Variants in FNIP1 observed in about 807,000 individuals in gnomAD.
FNIP1 encodes the protein folliculin-interacting protein 1.
FNIP1 carries 40 observed loss-of-function variants against 124.5 expected under a neutral mutation model. The ratio of observed to expected loss-of-function variants is 0.32; its 90% confidence interval spans 0.25 to 0.42. The LOEUF (loss-of-function observed/expected upper bound fraction) is 0.42, where lower values mean the gene tolerates loss of function less well. Among genes scored for constraint, FNIP1 ranks in the 10% least tolerant of loss-of-function variants. The probability of loss-of-function intolerance (pLI) is 1.00; values close to 1 mark genes in which losing one functional copy is unlikely to be tolerated. For synonymous variants in FNIP1, 472 were observed against 470.6 expected (o/e 1.00, Z -0.04); for missense variants, 1,176 against 1,403.7 (o/e 0.84, Z 2.59).
intron 16 of FNIP1, among the ~76,000 whole-genome samples, chr5:131,649,650 T>C (rs1766988576): frequency 6.6e-6 from 1 of 152,220 alleles, no homozygotes. Flanking sequence ...TTTAATTTGA[T>C]GAAATCCAAT....
chr5:131,663,859 A>C (rs1767517178), intron 15 of FNIP1, among the ~76,000 whole-genome samples: 1 of 152,242 alleles, frequency 6.6e-6, no homozygotes, highest in Non-Finnish European at 1.5e-5. Flanking sequence ...CTGGAAAAAC[A>C]GTTTTATATA....
rs78631912 is a variant in FNIP1, at chr5:131,686,358, T to A, written c.1203-7183A>T. Among the ~76,000 whole-genome samples the A allele has an allele frequency of 3.3e-3, 498 of 152,298 alleles. 22 individuals are homozygous for A. In the East Asian group the frequency reaches 0.087, roughly 27 times the overall value. On this transcript the variant is annotated intron_variant, in intron 11 of 17. Transcript: ENST00000510461. ...CCTTGAAAAGAGTTTTGTCCTTTTT[T>A]TAAAGAGATGTGGTCTCACTTTGTC...
intron 9 of FNIP1, among the ~76,000 whole-genome samples, chr5:131,704,481 G>A (rs1769011673): frequency 6.6e-6 from 1 of 152,028 alleles, no homozygotes; most frequent in African/African-American, 2.4e-5. Context: ...GTCAGATTGG[G>A]AACATTTTTT....
At chr5:131,777,516 C>T (rs186855437) in intron 1 of FNIP1, among the ~76,000 whole-genome samples, 1 of 151,982 alleles carries the variant, frequency 6.6e-6, no homozygotes, top group African/African-American at 2.4e-5. Flanking sequence ...GGGTCCCAAC[C>T]AGCCAAAGAT....
At position 131,644,515 on chromosome 5, in the gene FNIP1, A is replaced by C. The variant is rs1766811174; in HGVS notation, c.*170T>G. 2 of 434,142 alleles carry C rather than the reference A, an allele frequency of 4.6e-6. No homozygotes were observed. The highest frequency in any genetic ancestry group is 2.1e-5 in the African/African-American group (1 of 48,760). 26.9% of individuals were successfully genotyped at this position (434,142 alleles called of 1,614,324 possible). A position where few individuals can be genotyped will look rare whatever the true frequency, so the allele number is the denominator to read the frequency against. On this transcript the variant is annotated 3_prime_UTR_variant, in exon 18 of 18. Transcript: ENST00000510461. ...CCACCCAAAAGTCCAGTCAAAAAGA[A>C]AAAGCCATCTGACATACACAGAATA...
intron 1 of FNIP1, among the ~76,000 whole-genome samples, chr5:131,782,424 T>G (rs1335108414): frequency 6.6e-6 from 1 of 151,700 alleles, no homozygotes; most frequent in Non-Finnish European, 1.5e-5. Flanking sequence ...CGCACAAAAA[T>G]TGGCCGGGTG....
At chr5:131,728,495 C>A (rs1769967681) in intron 3 of FNIP1, among the ~76,000 whole-genome samples, 1 of 152,058 alleles carries the variant, frequency 6.6e-6, no homozygotes, top group South Asian at 2.1e-4. Flanking sequence ...GCGTATGCTT[C>A]ATGAAGTTCT....
intron 1 of FNIP1, among the ~76,000 whole-genome samples, chr5:131,751,352 A>C (rs1254224690): frequency 1.3e-5 from 2 of 152,102 alleles, no homozygotes; most frequent in Non-Finnish European, 2.9e-5. Flanking sequence ...ACTTTACCTT[A>C]GATTATAAAT....
intron 11 of FNIP1, among the ~76,000 whole-genome samples, chr5:131,696,550 A>C (rs917289464): frequency 6.6e-6 from 1 of 152,158 alleles, no homozygotes; most frequent in Non-Finnish European, 1.5e-5. Context: ...AACACTACTG[A>C]ACTGTACACC....
At position 131,645,901 on chromosome 5, in the gene FNIP1, A is replaced by C. The variant is rs183444205; in HGVS notation, c.3423-1138T>G. Among the ~76,000 whole-genome samples the C allele has an allele frequency of 7.7e-4, 117 of 152,360 alleles. 2 individuals are homozygous for C. In the East Asian group the frequency reaches 0.019, roughly 25 times the overall value. Reference sequence around the variant, plus strand: ...AGTATAACTCAACTTAGATTTTTAAATAATATTCATTTAAAAATTCTACAA... The same window carrying C: ...AGTATAACTCAACTTAGATTTTTAACTAATATTCATTTAAAAATTCTACAA... On this transcript the variant is annotated intron_variant, in intron 17 of 17. Coordinates refer to ENST00000510461, the MANE Select transcript of FNIP1 (RefSeq NM_133372.3).
chr5:131,667,227 T>G (rs1203602157), intron 15 of FNIP1, among the ~76,000 whole-genome samples: 1 of 152,240 alleles, frequency 6.6e-6, no homozygotes, highest in Non-Finnish European at 1.5e-5. Flanking sequence ...GTTAAAAACT[T>G]GAAGTCAGAA....
chr5:131,660,912 C>T (rs1214340057), intron 15 of FNIP1, among the ~76,000 whole-genome samples: 1 of 152,168 alleles, frequency 6.6e-6, no homozygotes, highest in Non-Finnish European at 1.5e-5. Flanking sequence ...ACCCATGGTG[C>T]ATGGATTCAA....
intron 8 of FNIP1, 44 bp from the exon 9 acceptor site, chr5:131,706,590 A>C (rs746879788): frequency 1.4e-6 from 2 of 1,436,956 alleles, no homozygotes; most frequent in South Asian, 1.6e-5. Context: ...ATAATGACTA[A>C]GCATAATGAC....
intron 1 of FNIP1, among the ~76,000 whole-genome samples, chr5:131,780,806 T>C (rs1252347614): frequency 1.3e-5 from 2 of 152,130 alleles, no homozygotes; most frequent in East Asian, 1.9e-4. Context: ...CCCTGAGACA[T>C]ACCATATGGA....
At chr5:131,687,455 T>G (rs1768319938) in intron 11 of FNIP1, among the ~76,000 whole-genome samples, 1 of 152,246 alleles carries the variant, frequency 6.6e-6, no homozygotes, top group Non-Finnish European at 1.5e-5. Context: ...TTCAGTTCAA[T>G]GTATTCTTAC....
intron 1 of FNIP1, among the ~76,000 whole-genome samples, chr5:131,791,952 G>A (rs1772419184): frequency 6.6e-6 from 1 of 151,626 alleles, no homozygotes; most frequent in African/African-American, 2.4e-5. Flanking sequence ...ATCCTTTAAT[G>A]AGTCTGGGCC....
chr5:131,779,640 A>ATCGC (rs1255991711), intron 1 of FNIP1, among the ~76,000 whole-genome samples: 2 of 151,254 alleles, frequency 1.3e-5, no homozygotes, highest in Non-Finnish European at 2.9e-5. Flanking sequence ...GTGAGCCGAT[A>ATCGC]TCGCACCACT....
At chr5:131,710,462 TTCTTAACCACAACCTCACCAA>T in intron 7 of FNIP1, 95 bp downstream of exon 7, 1 of 851,982 alleles carries the variant, frequency 1.2e-6, no homozygotes, top group East Asian at 2.9e-5. Flanking sequence ...ATGCAATGTT[TTCTTAACCACAACCTCACCAA>T]CTGCATTCAT....
chr5:131,684,589 C>A lies in FNIP1; in HGVS notation c.1203-5414G>T, dbSNP rs72791128. Among the ~76,000 whole-genome samples, 509 of 152,208 alleles carry A rather than the reference C, an allele frequency of 3.3e-3. 4 individuals are homozygous for A. Among genetic ancestry groups the A allele is most frequent in the African/African-American group, 0.012 (484 of 41,516 alleles). On this transcript the variant is annotated intron_variant, in intron 11 of 17. Coordinates refer to ENST00000510461, the MANE Select transcript of FNIP1 (RefSeq NM_133372.3). ...TAACTCGCATGCTGTAAATTCCAGG[C>A]AATCTTGAAATTCTAAGTCTAGGCC...
Sources: allele counts gnomAD v4.1 joint callset (sites outside exome capture counted in the v4.1 genomes callset), GRCh38; gene constraint gnomAD v4.1.1; transcripts MANE v1.5; gene names NCBI Gene and HGNC (gene_info 2026-07-23, HGNC 2026-07-21).